Variants in NTRK3 observed in about 807,000 individuals in gnomAD.
The protein encoded by NTRK3 is neurotrophic receptor tyrosine kinase 3.
A neutral mutation model predicts 91.7 loss-of-function variants in NTRK3; 24 were observed. The ratio of observed to expected loss-of-function variants is 0.26; its 90% CI spans 0.19 to 0.37. NTRK3 has a LOEUF of 0.37. Among genes scored for constraint, NTRK3 ranks in the 10% least tolerant of loss-of-function variants. NTRK3 has a pLI of 1.00. For synonymous variants in NTRK3, 483 were observed against 404.0 expected (o/e 1.20, Z -2.34); for missense variants, 880 against 1,068.9 (o/e 0.82, Z 2.46).
intron 13 of NTRK3, among the ~76,000 whole-genome samples, chr15:88,114,682 A>T (rs1038054861): frequency 1.3e-5 from 2 of 152,242 alleles, no homozygotes; most frequent in Non-Finnish European, 1.5e-5. Context: ...ATATCCTTGC[A>T]TAAGCCTTGA....
chr15:87,987,841 C>T (rs182451156), intron 14 of NTRK3, among the ~76,000 whole-genome samples: 113 of 151,872 alleles, frequency 7.4e-4, no homozygotes, highest in African/African-American at 2.6e-3. Flanking sequence ...CGTGACACTG[C>T]ACTCCAGCCT....
intron 14 of NTRK3, among the ~76,000 whole-genome samples, chr15:87,996,442 G>T (rs1042079974): frequency 6.6e-6 from 1 of 152,106 alleles, no homozygotes; most frequent in Non-Finnish European, 1.5e-5. Context: ...GGATGCAAAG[G>T]TAGAGCTTAT....
chr15:88,076,835 G>A (rs1438402019), intron 13 of NTRK3, among the ~76,000 whole-genome samples: 2 of 152,114 alleles, frequency 1.3e-5, no homozygotes, highest in Non-Finnish European at 2.9e-5. Context: ...GCTCATGCCT[G>A]CAATCTCAAC....
chr15:87,952,524 G>C (rs2071229010), intron 14 of NTRK3, among the ~76,000 whole-genome samples: 1 of 152,142 alleles, frequency 6.6e-6, no homozygotes, highest in Non-Finnish European at 1.5e-5. Context: ...CCCGGGGACA[G>C]ACAGCTCCCC....
chr15:87,959,005 C>T (rs1276662552), intron 14 of NTRK3, among the ~76,000 whole-genome samples: 5 of 150,366 alleles, frequency 3.3e-5, no homozygotes, highest in South Asian at 2.1e-4. Flanking sequence ...CCCCGCCCCC[C>T]GCATTCCCTC....
chr15:88,024,549 G>T (rs1324348717), intron 14 of NTRK3, among the ~76,000 whole-genome samples: 1 of 152,150 alleles, frequency 6.6e-6, no homozygotes, highest in Admixed American at 6.5e-5. Flanking sequence ...GGGCCAAGAC[G>T]ACGCCAAGAC....
At chr15:88,100,631 A>G (rs1446530599) in intron 13 of NTRK3, among the ~76,000 whole-genome samples, 2 of 152,228 alleles carry the variant, frequency 1.3e-5, no homozygotes, top group Non-Finnish European at 2.9e-5. Flanking sequence ...CTGACCTTTC[A>G]GGCAAAGGAA....
At chr15:87,944,694 T>C (rs1160687230) in intron 14 of NTRK3, among the ~76,000 whole-genome samples, 2 of 152,234 alleles carry the variant, frequency 1.3e-5, no homozygotes, top group African/African-American at 2.4e-5. Flanking sequence ...TCCCTCACTC[T>C]GCTCATCCTG....
chr15:87,904,672 C>T (rs1034421398), intron 17 of NTRK3, among the ~76,000 whole-genome samples: 3 of 152,158 alleles, frequency 2.0e-5, no homozygotes, highest in African/African-American at 7.2e-5. Context: ...CTAAGCCCTT[C>T]TGGAATTAAG....
chr15:88,242,322 A>G (rs1284846408), intron 3 of NTRK3, among the ~76,000 whole-genome samples: 1 of 152,228 alleles, frequency 6.6e-6, no homozygotes, highest in Non-Finnish European at 1.5e-5. Flanking sequence ...CAGGGGGCAC[A>G]GTCTTGACAA....
chr15:87,925,441 G>GCACA (rs61582719), intron 17 of NTRK3: 2,301 of 180,784 alleles, frequency 0.013, 26 homozygotes, highest in African/African-American at 0.03. Flanking sequence ...ACACGTGTAT[G>GCACA]CACACACACA....
chr15:88,182,791 A>C (rs1157531083), intron 5 of NTRK3, among the ~76,000 whole-genome samples: 1 of 152,218 alleles, frequency 6.6e-6, no homozygotes. Flanking sequence ...GAGAGGAAGC[A>C]TCAACTCTTG....
rs75578019 is a variant in NTRK3, at chr15:87,979,843, G to A, written c.1586-39090C>T. Among the ~76,000 whole-genome samples, 975 of 152,274 alleles carry A rather than the reference G, an allele frequency of 6.4e-3. 9 individuals are homozygous for A. The highest frequency in any genetic ancestry group is 0.017 in the Admixed American group (255 of 15,290). On this transcript the variant is annotated intron_variant, in intron 14 of 18. Transcript: ENST00000394480. ...GTGTGTCGGAGAAGGGGTATGCACT[G>A]TAGGGTCACTTAGGGGCTAAGGGAT...
chr15:88,106,409 A>C (rs1025464080), intron 13 of NTRK3, among the ~76,000 whole-genome samples: 1 of 152,248 alleles, frequency 6.6e-6, no homozygotes, highest in African/African-American at 2.4e-5. Context: ...GCCTTGGGGC[A>C]AATGGATTAG....
chr15:88,121,399 C>A (rs1014668867), intron 13 of NTRK3, among the ~76,000 whole-genome samples: 1 of 152,182 alleles, frequency 6.6e-6, no homozygotes, highest in Admixed American at 6.5e-5. Context: ...CAAAGCAAGT[C>A]ACTTCCTTGT....
intron 14 of NTRK3, among the ~76,000 whole-genome samples, chr15:87,943,399 T>G (rs758969461): frequency 3.3e-5 from 5 of 152,020 alleles, no homozygotes; most frequent in Non-Finnish European, 7.4e-5. Flanking sequence ...CTAGATTGAG[T>G]CAAGTCCCTT....
At chr15:87,989,385 C>G (rs2141468943) in intron 14 of NTRK3, among the ~76,000 whole-genome samples, 1 of 152,274 alleles carries the variant, frequency 6.6e-6, no homozygotes, top group Non-Finnish European at 1.5e-5. Flanking sequence ...CCATCATTCT[C>G]AGCAAACTAT....
intron 13 of NTRK3, among the ~76,000 whole-genome samples, chr15:88,100,386 G>C (rs1443418153): frequency 1.3e-5 from 2 of 152,168 alleles, no homozygotes; most frequent in Admixed American, 6.5e-5. Flanking sequence ...ATACTGGCTG[G>C]GGGGAACCAA....
intron 13 of NTRK3, among the ~76,000 whole-genome samples, chr15:88,044,251 GTTCT>G (rs2079929443): frequency 1.8e-5 from 2 of 109,304 alleles, no homozygotes; most frequent in South Asian, 3.3e-4. Flanking sequence ...CCAAGTCTAT[GTTCT>G]TTTTTTTTTT....
Sources: allele counts gnomAD v4.1 joint callset (sites outside exome capture counted in the v4.1 genomes callset), GRCh38; gene constraint gnomAD v4.1.1; transcripts MANE v1.5; gene names NCBI Gene and HGNC (gene_info 2026-07-23, HGNC 2026-07-21).